Variants in KDM4C observed in about 807,000 individuals in gnomAD.
KDM4C encodes the protein lysine-specific demethylase 4C.
Under a neutral mutation model 129.3 loss-of-function variants are expected in KDM4C, and 81 were observed. The ratio of observed to expected loss-of-function variants is 0.63; its 90% CI spans 0.52 to 0.75. KDM4C has a LOEUF of 0.75. Ranked by LOEUF, KDM4C falls within the 30% of genes least tolerant of loss-of-function variation. KDM4C has a pLI of 0.00. For missense variants in KDM4C, 1,457 were observed against 1,304.0 expected, an observed-to-expected ratio of 1.12 and a Z score of -1.81; for synonymous variants, 573 against 456.1, an observed-to-expected ratio of 1.26 and a Z score of -3.26.
intron 4 of KDM4C, chr9:6,835,226 A>G: frequency 1.1e-6 from 1 of 908,588 alleles, no homozygotes; most frequent in South Asian, 1.3e-5. Flanking sequence ...TGCTGCCCTG[A>G]GGCACTCTTC....
intron 8 of KDM4C, among the ~76,000 whole-genome samples, chr9:6,962,202 T>G (rs1323165600): frequency 6.6e-6 from 1 of 152,242 alleles, no homozygotes; most frequent in African/African-American, 2.4e-5. Flanking sequence ...TCTTGTACTT[T>G]GTATGCTCAA....
chr9:6,771,313 T>C (rs190181391), intron 1 of KDM4C, among the ~76,000 whole-genome samples: 3 of 151,858 alleles, frequency 2.0e-5, no homozygotes, highest in Non-Finnish European at 4.4e-5. Context: ...TCAATTTTTT[T>C]AATTTATTTA....
upstream of KDM4C, among the ~76,000 whole-genome samples, chr9:6,756,172 G>T (rs1255174108): frequency 6.6e-6 from 1 of 152,062 alleles, no homozygotes; most frequent in Non-Finnish European, 1.5e-5. Context: ...TTTCTTAACC[G>T]CTATGCTTCA....
At chr9:7,077,508 A>T (rs1834059873) in intron 17 of KDM4C, among the ~76,000 whole-genome samples, 1 of 152,218 alleles carries the variant, frequency 6.6e-6, no homozygotes, top group Non-Finnish European at 1.5e-5. Flanking sequence ...TTTCATATTG[A>T]TATCTTTATT....
chr9:6,844,684 G>C (rs927981202), intron 4 of KDM4C, among the ~76,000 whole-genome samples: 1 of 152,122 alleles, frequency 6.6e-6, no homozygotes. Context: ...GCATCTGATA[G>C]GACTGATATT....
intron 1 of KDM4C, chr9:6,734,813 T>G: frequency 2.2e-6 from 1 of 445,172 alleles, no homozygotes; most frequent in Non-Finnish European, 4.5e-6. Flanking sequence ...CCTGTTCCAT[T>G]GTTTTCTCTA....
upstream of KDM4C, chr9:6,757,953 GCGCGC>G: frequency 1.0e-6 from 1 of 985,362 alleles, no homozygotes; most frequent in African/African-American, 1.7e-5. Flanking sequence ...ACGTGACGGC[GCGCGC>G]GCCCTCGCGC....
Position 6,748,737 on chromosome 9 carries a change from T to C in KDM4C, c.49+27740T>C, listed in dbSNP as rs752653936. The C allele has an allele frequency of 8.7e-6, 13 of 1,486,168 alleles. No individual in the cohort carries two copies. In the Admixed American group the frequency reaches 1.5e-4, roughly 17 times the overall value. The allele number at this position is 1,486,168 out of a possible 1,614,324, so 92.1% of individuals were successfully genotyped here. A position where few individuals can be genotyped will look rare whatever the true frequency, so the allele number is the denominator to read the frequency against. ...GACACTTTGTAGCAGAGTAATATTA[T>C]CTCCTTTTAGCATGATCCGACCCAG... On this transcript the variant is annotated intron_variant, in intron 1 of 17. Transcript: ENST00000536108.
At chr9:7,123,655 A>G (rs1336295388) in intron 18 of KDM4C, among the ~76,000 whole-genome samples, 1 of 152,240 alleles carries the variant, frequency 6.6e-6, no homozygotes, top group Non-Finnish European at 1.5e-5. Flanking sequence ...TTACCCTGTC[A>G]TTAAAGGGAT....
intron 8 of KDM4C, among the ~76,000 whole-genome samples, chr9:6,970,100 A>G (rs1308902381): frequency 6.6e-6 from 1 of 152,244 alleles, no homozygotes; most frequent in African/African-American, 2.4e-5. Flanking sequence ...TTGGGGGACA[A>G]TCAAGGTGCT....
intron 17 of KDM4C, among the ~76,000 whole-genome samples, chr9:7,050,962 A>C (rs542945558): frequency 1.1e-4 from 16 of 152,292 alleles, no homozygotes; most frequent in African/African-American, 3.4e-4. Context: ...TTTCTCATGG[A>C]ACATTTCCTT....
intron 1 of KDM4C, among the ~76,000 whole-genome samples, chr9:6,763,103 T>G (rs1819908114): frequency 6.6e-6 from 1 of 151,422 alleles, no homozygotes; most frequent in African/African-American, 2.4e-5. Flanking sequence ...CTGGGCCTAA[T>G]CCTTTTCCCA....
At chr9:6,796,638 C>G (rs1827808591) in intron 2 of KDM4C, among the ~76,000 whole-genome samples, 1 of 152,178 alleles carries the variant, frequency 6.6e-6, no homozygotes, top group African/African-American at 2.4e-5. Context: ...TTAATGAGAA[C>G]TATGATTACA....
At chr9:6,901,950 G>C (rs1459714816) in intron 8 of KDM4C, among the ~76,000 whole-genome samples, 1 of 152,186 alleles carries the variant, frequency 6.6e-6, no homozygotes, top group African/African-American at 2.4e-5. Context: ...ACCAAAATCA[G>C]TAGGATTAGA....
At chr9:6,828,154 C>G (rs538910065) in intron 4 of KDM4C, among the ~76,000 whole-genome samples, 10 of 147,272 alleles carry the variant, frequency 6.8e-5, no homozygotes, top group African/African-American at 2.2e-4. Flanking sequence ...GAATAAGTTT[C>G]TTTTTTTTTT....
At chr9:7,000,166 C>G (rs1820475159) in intron 12 of KDM4C, among the ~76,000 whole-genome samples, 1 of 151,980 alleles carries the variant, frequency 6.6e-6, no homozygotes, top group African/African-American at 2.4e-5. Context: ...CTCAGTTTAG[C>G]CTTATTTCTG....
chr9:6,828,323 A>G (rs1033803275), intron 4 of KDM4C, among the ~76,000 whole-genome samples: 1 of 151,978 alleles, frequency 6.6e-6, no homozygotes, highest in Admixed American at 6.5e-5. Flanking sequence ...AATTTTTTGT[A>G]TTTTTAGTAG....
intron 19 of KDM4C, among the ~76,000 whole-genome samples, chr9:7,141,797 G>T (rs1281470323): frequency 1.4e-5 from 2 of 146,640 alleles, no homozygotes; most frequent in Admixed American, 6.8e-5. Context: ...TTGTTATTAG[G>T]TTTTTTTTTT....
At chr9:6,811,911 G>T (rs919128917) in intron 3 of KDM4C, among the ~76,000 whole-genome samples, 4 of 152,166 alleles carry the variant, frequency 2.6e-5, no homozygotes, top group Non-Finnish European at 5.9e-5. Context: ...TGGATTTGTG[G>T]AATAGCTGTG....
Sources: gnomAD v4.1 joint callset for allele counts (sites outside exome capture counted in the v4.1 genomes callset) on GRCh38, gnomAD v4.1.1 for gene constraint, MANE v1.5 for transcripts, NCBI Gene and HGNC (gene_info 2026-07-23, HGNC 2026-07-21) for gene names.